The following KATNAL2 variants were observed in gnomAD, a reference collection of about 807,000 sequenced individuals.
KATNAL2 encodes katanin catalytic subunit A1 like 2.
Under a neutral mutation model 76.3 loss-of-function variants are expected in KATNAL2, and 52 were observed. That is an observed-to-expected ratio of 0.68 (90% CI 0.55 to 0.86). The LOEUF is 0.86. Ranked by LOEUF, KATNAL2 falls within the 40% of genes least tolerant of loss-of-function variation. The probability of loss-of-function intolerance (pLI) is 0.00; values close to 1 mark genes in which losing one functional copy is unlikely to be tolerated. For synonymous variants in KATNAL2, 243 were observed against 244.2 expected (o/e 1.00, Z 0.05); for missense variants, 660 against 668.9 (o/e 0.99, Z 0.15).
At chr18:47,082,203 T>G (rs949996490) in intron 15 of KATNAL2, among the ~76,000 whole-genome samples, 1 of 152,184 alleles carries the variant, frequency 6.6e-6, no homozygotes, top group African/African-American at 2.4e-5. Context: ...TTTCTCAACC[T>G]CAGAGCTACT....
intron 17 of KATNAL2, 130 bp downstream of exon 17, chr18:47,100,486 C>CCTCA: frequency 1.4e-6 from 1 of 694,876 alleles, no homozygotes. Context: ...TCAAATCATC[C>CCTCA]CTCACTCAAC....
At chr18:47,047,843 G>A (rs1309401375) in intron 4 of KATNAL2, among the ~76,000 whole-genome samples, 3 of 152,026 alleles carry the variant, frequency 2.0e-5, no homozygotes, top group Non-Finnish European at 4.4e-5. Context: ...TGAGTAGCTG[G>A]GACTACAGGC....
intron 1 of KATNAL2, among the ~76,000 whole-genome samples, chr18:46,932,246 C>G (rs1027888068): frequency 2.6e-5 from 4 of 152,128 alleles, no homozygotes; most frequent in African/African-American, 9.6e-5. Flanking sequence ...CATTAGAAGA[C>G]AATAACAAAA....
chr18:47,083,438 T>C (rs544241754), intron 15 of KATNAL2, among the ~76,000 whole-genome samples: 1 of 152,328 alleles, frequency 6.6e-6, no homozygotes, highest in South Asian at 2.1e-4. Flanking sequence ...TATTGCATCG[T>C]CCGGGGCACT....
intron 1 of KATNAL2, among the ~76,000 whole-genome samples, chr18:46,918,202 C>G (rs79609991): frequency 6.6e-6 from 1 of 151,886 alleles, no homozygotes; most frequent in Non-Finnish European, 1.5e-5. Flanking sequence ...AGCTTGATGG[C>G]CCCCCCGTAA....
intron 15 of KATNAL2, among the ~76,000 whole-genome samples, chr18:47,078,074 A>G (rs2062324959): frequency 6.6e-6 from 1 of 152,178 alleles, no homozygotes; most frequent in Admixed American, 6.5e-5. Flanking sequence ...AGTTCTGAGA[A>G]TGTTTTCACA....
intron 3 of KATNAL2, among the ~76,000 whole-genome samples, chr18:46,957,881 A>G (rs1231836983): frequency 6.6e-6 from 1 of 151,942 alleles, no homozygotes; most frequent in Non-Finnish European, 1.5e-5. Context: ...TATTTTTAGT[A>G]GAGACGGGGT....
At chr18:47,033,818 T>C in intron 3 of KATNAL2, 2 of 1,614,186 alleles carry the variant, frequency 1.2e-6, no homozygotes, top group South Asian at 2.2e-5. Flanking sequence ...TGGGAGGTCA[T>C]GGAGTCAGAA....
At chr18:47,025,485 T>TTC (rs1241765373) in intron 3 of KATNAL2, among the ~76,000 whole-genome samples, 518 of 150,778 alleles carry the variant, frequency 3.4e-3, no homozygotes, top group African/African-American at 0.012. Context: ...TCACATGACT[T>TTC]TCTCTCTCTC....
chr18:47,058,304 G>A lies in KATNAL2; in HGVS notation c.402G>A (p.Ala134=), dbSNP rs144860304. 1.6e-3 allele frequency: 2,554 copies of A among 1,613,982 alleles called. 1 individual carries two copies. The highest frequency in any genetic ancestry group is 2.0e-3 in the Non-Finnish European group (2,346 of 1,179,894). Residue 134 remains alanine (A), a synonymous_variant, in exon 7 of 18, where the codon GCG becomes GCA. Transcript: ENST00000683218. ...NQQRPRSKTT[A]GKTGDTKSLN... ...AGAGGCCCCGGTCCAAAACCACAGC[G>A]GGGAAGACAGGGGACACCAAATCGC...
chr18:47,033,214 G>T (rs774047592), intron 3 of KATNAL2: 2 of 1,614,036 alleles, frequency 1.2e-6, no homozygotes, highest in Non-Finnish European at 8.5e-7. Flanking sequence ...GCTGGAGGGA[G>T]TGTGGCTGCT....
intron 4 of KATNAL2, among the ~76,000 whole-genome samples, chr18:47,047,296 A>G (rs72921349): frequency 0.026 from 3,932 of 152,320 alleles, 62 homozygotes; most frequent in Non-Finnish European, 0.041. Context: ...CAACAGACCT[A>G]TCCAGTACAT....
intron 1 of KATNAL2, among the ~76,000 whole-genome samples, chr18:46,919,548 C>T (rs1405511243): frequency 1.3e-5 from 2 of 151,734 alleles, no homozygotes; most frequent in Non-Finnish European, 2.9e-5. Context: ...ACTCGTGAGG[C>T]TGAGACAGGA....
chr18:47,042,619 GTTA>G, intron 3 of KATNAL2, among the ~76,000 whole-genome samples: 1 of 152,150 alleles, frequency 6.6e-6, no homozygotes, highest in South Asian at 2.1e-4. Context: ...AATTAAAAAT[GTTA>G]TTATCTAAAT....
chr18:47,060,104 C>T (rs921634911), intron 8 of KATNAL2, among the ~76,000 whole-genome samples: 3 of 151,748 alleles, frequency 2.0e-5, no homozygotes, highest in African/African-American at 7.3e-5. Context: ...TCAAAGAATC[C>T]TCTTGCCTCA....
intron 1 of KATNAL2, among the ~76,000 whole-genome samples, chr18:46,926,303 TCAAAGAAC>T (rs1198548382): frequency 6.6e-6 from 1 of 152,228 alleles, no homozygotes; most frequent in African/African-American, 2.4e-5. Flanking sequence ...CTCGTTGGTT[TCAAAGAAC>T]ATCTTTATTT....
intron 1 of KATNAL2, among the ~76,000 whole-genome samples, chr18:46,927,136 G>A (rs2058753164): frequency 6.6e-6 from 1 of 152,140 alleles, no homozygotes; most frequent in Admixed American, 6.6e-5. Flanking sequence ...TATGATGTTA[G>A]CTGGTTATTT....
At chr18:46,941,421 A>G (rs2146627502) in intron 1 of KATNAL2, among the ~76,000 whole-genome samples, 1 of 152,300 alleles carries the variant, frequency 6.6e-6, no homozygotes, top group Admixed American at 6.5e-5. Flanking sequence ...GAATAAGTGG[A>G]ATAATTGGTT....
chr18:46,958,695 C>G (rs1215556206), intron 3 of KATNAL2, among the ~76,000 whole-genome samples: 1 of 152,198 alleles, frequency 6.6e-6, no homozygotes, highest in Non-Finnish European at 1.5e-5. Flanking sequence ...CTGCCACTTT[C>G]TTTTTCTTAA....
Sources: gnomAD v4.1 joint callset for allele counts (sites outside exome capture counted in the v4.1 genomes callset) on GRCh38, gnomAD v4.1.1 for gene constraint, MANE v1.5 for transcripts, NCBI Gene and HGNC (gene_info 2026-07-23, HGNC 2026-07-21) for gene names.